FBRS: variants seen among roughly 807,000 people sequenced by gnomAD.
The protein encoded by FBRS is probable fibrosin-1.
In FBRS, 15 loss-of-function variants were observed where a neutral mutation model predicts 86.1. The observed-to-expected ratio is 0.17, with a 90% CI of 0.12 to 0.27. The LOEUF (loss-of-function observed/expected upper bound fraction) is 0.27, where lower values mean the gene tolerates loss of function less well. Ranked by LOEUF, FBRS falls within the 10% of genes least tolerant of loss-of-function variation. The pLI is 1.00. For missense variants in FBRS, 1,367 were observed against 1,301.6 expected, an observed-to-expected ratio of 1.05 and a Z score of -0.77; for synonymous variants, 666 against 575.8, an observed-to-expected ratio of 1.16 and a Z score of -2.24.
chr16:30,669,708 T>C lies in FBRS; in HGVS notation c.*63T>C. Reference sequence around the variant, plus strand: ...CCTTCCTTTAACCAGGTCCTAGGGCTGAGGTTTTAAGCCAGGGCTGGAGGG... The same window carrying C: ...CCTTCCTTTAACCAGGTCCTAGGGCCGAGGTTTTAAGCCAGGGCTGGAGGG... On this transcript the variant is annotated 3_prime_UTR_variant, in exon 18 of 18. Transcript: ENST00000356166. This position sits in a 1 kb window ranked among gnomAD's most constrained non-coding sequence, Gnocchi z 5.9. 6.7e-7 allele frequency: 1 copy of C among 1,498,480 alleles called. No individual in the cohort carries two copies. The highest frequency in any genetic ancestry group is 2.4e-5 in the Admixed American group (1 of 42,236). 92.8% of individuals were successfully genotyped at this position (1,498,480 alleles called of 1,614,324 possible). A position where few individuals can be genotyped will look rare whatever the true frequency, so the allele number is the denominator to read the frequency against.
chr16:30,660,771 C>T (rs2052450060), intron 2 of FBRS, among the ~76,000 whole-genome samples: 1 of 152,184 alleles, frequency 6.6e-6, no homozygotes, highest in Non-Finnish European at 1.5e-5. Flanking sequence ...AGCCAGCAAG[C>T]AAACACCTAG....
chr16:30,667,388 G>A lies in FBRS; in HGVS notation c.1944G>A (p.Leu648=), dbSNP rs780332655. Residue 648 remains leucine, a synonymous_variant, in exon 14 of 18, where the codon CTG becomes CTA. Transcript: ENST00000356166. The stretch of plus-strand genomic sequence containing the variant: ...GCCTTCCGGGGCCCTATGGGGCCCT[G>A]CCCCCTGGGCAGGAGCTCTCCCACC... ...LPCLPGPYGA[L]PPGQELSHPA... is the part of the protein sequence containing the mutation. 2.6e-6 allele frequency: 4 copies of A among 1,552,182 alleles called. No individual in the cohort carries two copies. In the South Asian group the frequency reaches 3.6e-5, roughly 14 times the overall value.
chr16:30,668,987 T>TGCCCCCCCCCCCCCCCCCCCCCCCC lies in FBRS; in HGVS notation c.2366+8_2366+9insGCCCCCCCCCCCCCCCCCCCCCCCC. ...CAAGGAGGAGAAGGACAGGTGTGCC[T>TGCCCCCCCCCCCCCCCCCCCCCCCC]CCCACCCACCCTGCCCCTGCCCCAC... On this transcript the variant is annotated intron_variant, in intron 17 of 17. Transcript: ENST00000356166. The TGCCCCCCCCCCCCCCCCCCCCCCCC allele has an allele frequency of 1.4e-6, 2 of 1,481,100 alleles. No homozygotes were observed. Among genetic ancestry groups the TGCCCCCCCCCCCCCCCCCCCCCCCC allele is most frequent in the African/African-American group, 1.4e-5 (1 of 69,742 alleles). The allele number at this position is 1,481,100 out of a possible 1,614,324, so 91.7% of individuals were successfully genotyped here.
intron 12 of FBRS, 82 bp downstream of exon 12, chr16:30,666,623 A>G: frequency 6.3e-7 from 1 of 1,599,528 alleles, no homozygotes; most frequent in Non-Finnish European, 8.6e-7. Flanking sequence ...TTGCTTACAA[A>G]TAAGTGAGAA....
chr16:30,661,898 G>A (rs1371158533), intron 4 of FBRS: 1 of 174,298 alleles, frequency 5.7e-6, no homozygotes, highest in Non-Finnish European at 1.2e-5. Context: ...TCAAAAGTTG[G>A]CTGGATAGGA....
chr16:30,668,382 C>A (rs1433728630), intron 15 of FBRS, 178 bp from the exon 16 acceptor site: 2 of 598,520 alleles, frequency 3.3e-6, no homozygotes, highest in Non-Finnish European at 6.0e-6. Flanking sequence ...TGAGGTTAAC[C>A]GACAGGGTGC....
At chr16:30,661,776 T>C (rs567998777) in intron 4 of FBRS, among the ~76,000 whole-genome samples, 2 of 152,112 alleles carry the variant, frequency 1.3e-5, no homozygotes, top group South Asian at 4.2e-4. Context: ...AGTTTATCCT[T>C]AGGGGCGATT....
In FBRS at chr16:30,665,136, A is replaced by G. The variant is rs918403134; in HGVS notation, c.1608+57A>G. 3 of 1,589,564 alleles carry G rather than the reference A, an allele frequency of 1.9e-6. No homozygotes were observed. Among genetic ancestry groups the G allele is most frequent in the South Asian group, 1.1e-5 (1 of 87,896 alleles). ...GTGTGGTGTGGGCGTGGATGCATCC[A>G]TGCTTGTGACCCTGACTGCTGGGGT... On this transcript the variant is annotated intron_variant, in intron 9 of 17. Transcript: ENST00000356166. The surrounding 1 kb of genome is among the most constrained non-coding windows in gnomAD (Gnocchi z 4.1).
In FBRS at chr16:30,668,646, G is replaced by A. The variant is rs2052550398; in HGVS notation, c.2158+3G>A. The A allele has an allele frequency of 5.6e-6, 9 of 1,601,828 alleles. No homozygotes were observed. The highest frequency in any genetic ancestry group is 1.7e-4 in the Middle Eastern group (1 of 5,994). The stretch of plus-strand genomic sequence containing the variant: ...AGGCCTGGGCAGCCCCACATTCAGT[G>A]AGTGCGGGTGCGGTGGGGTGGGGGG... On this transcript the variant is annotated splice_donor_region_variant and intron_variant, in intron 16 of 17. Coordinates refer to ENST00000356166, the MANE Select transcript of FBRS (RefSeq NM_001105079.3).
chr16:30,666,882 C>CTTCCCT (rs761029297), intron 12 of FBRS, 37 bp from the exon 13 acceptor site: 3 of 1,598,176 alleles, frequency 1.9e-6, no homozygotes, highest in South Asian at 2.3e-5. Context: ...ACGTTCTTTC[C>CTTCCCT]TTCCCTTTCC....
chr16:30,665,302 A>G lies in FBRS; in HGVS notation c.1609-4A>G. The stretch of plus-strand genomic sequence containing the variant: ...ACCTGTACTAGTCCCCCTTCTCTCC[A>G]CAGCCGTACACGGCCTTCCCTCCCG... On this transcript the variant is annotated splice_region_variant and splice_polypyrimidine_tract_variant and intron_variant, in intron 9 of 17. Transcript: ENST00000356166. This position sits in a 1 kb window ranked among gnomAD's most constrained non-coding sequence, Gnocchi z 4.1. 1.3e-6 allele frequency: 2 copies of G among 1,559,302 alleles called. No individual in the cohort carries two copies. Among genetic ancestry groups the G allele is most frequent in the Non-Finnish European group, 1.7e-6 (2 of 1,152,266 alleles).
In FBRS at chr16:30,665,682, C is replaced by A. The variant is rs748429458; in HGVS notation, c.1749C>A (p.Ser583Arg). The change falls in exon 11 of 18, where the codon AGC becomes AGA. Residue 583 changes from serine to arginine, a missense_variant. Ser to Arg is a moderately radical substitution (Grantham distance 110). Coordinates refer to ENST00000356166, the MANE Select transcript of FBRS (RefSeq NM_001105079.3). This position sits in a 1 kb window ranked among gnomAD's most constrained non-coding sequence, Gnocchi z 4.1. ...ELPPRLGPVPSGLSQKGTQIP... is the reference protein window; with the variant it reads ...ELPPRLGPVPRGLSQKGTQIP... ...CACCACGACTGGGGCCGGTGCCGAGCGGGCTCTCCCAGAAGGGGACACAGG... is the reference window on the plus strand; with the variant it reads ...CACCACGACTGGGGCCGGTGCCGAGAGGGCTCTCCCAGAAGGGGACACAGG... The A allele has an allele frequency of 1.6e-5, 26 of 1,588,592 alleles. No individual in the cohort carries two copies. Among genetic ancestry groups the A allele is most frequent in the Non-Finnish European group, 2.1e-5 (25 of 1,167,832 alleles).
In FBRS at chr16:30,660,290, C is replaced by A. The variant is rs1458354311; in HGVS notation, c.487C>A (p.Arg163=). The change falls in exon 2 of 18, where the codon CGA becomes AGA. Residue 163 remains arginine, a synonymous_variant. Transcript: ENST00000356166. ...GGATGCATCTCTTCAGCCCCCAGAG[C>A]GACTGGAACATCGGCTGAAGCATTC... The part of the protein sequence containing the change: ...QKDASLQPPE[R]LEHRLKHSGK... 3 of 1,302,910 alleles carry A rather than the reference C, an allele frequency of 2.3e-6. No homozygotes were observed. 80.7% of individuals were successfully genotyped at this position (1,302,910 alleles called of 1,614,324 possible).
chr16:30,668,665 T>TGGGGGGGGGGGGGGGGGGGGGGGGG, intron 16 of FBRS, 22 bp downstream of exon 16: 1 of 1,456,692 alleles, frequency 6.9e-7, no homozygotes, highest in Admixed American at 1.7e-5. Context: ...TGCGGTGGGG[T>TGGGGGGGGGGGGGGGGGGGGGGGGG]GGGGGGGCTG....
chr16:30,660,254 C>T lies in FBRS; in HGVS notation c.460-9C>T, dbSNP rs544376591. The T allele has an allele frequency of 2.0e-5, 27 of 1,326,200 alleles. No individual in the cohort carries two copies. The highest frequency in any genetic ancestry group is 1.5e-4 in the South Asian group (7 of 46,424). 82.2% of individuals were successfully genotyped at this position (1,326,200 alleles called of 1,614,324 possible). A position where few individuals can be genotyped will look rare whatever the true frequency, so the allele number is the denominator to read the frequency against. ...TCCATCTATCTCAGCCCCACCTCCT[C>T]CTCCACAGAAGGATGCATCTCTTCA... On this transcript the variant is annotated splice_polypyrimidine_tract_variant and intron_variant, in intron 1 of 17. Transcript: ENST00000356166.
chr16:30,663,493 G>A (rs577847897), intron 6 of FBRS, among the ~76,000 whole-genome samples: 3 of 151,560 alleles, frequency 2.0e-5, no homozygotes, highest in Admixed American at 6.6e-5. Context: ...TTTCACACGC[G>A]ATTGCTTAGG....
intron 13 of FBRS, 132 bp from the exon 14 acceptor site, chr16:30,667,188 A>T: frequency 1.1e-6 from 1 of 925,828 alleles, no homozygotes; most frequent in African/African-American, 1.7e-5. Context: ...AGGCTCCGAG[A>T]GAGGCAGAAG....
At chr16:30,660,174 C>G in intron 1 of FBRS, 89 bp from the exon 2 acceptor site, 3 of 1,408,632 alleles carry the variant, frequency 2.1e-6, no homozygotes, top group Non-Finnish European at 2.8e-6. Flanking sequence ...TTTCCCGGCC[C>G]GAGGGGTACT....
In FBRS at chr16:30,669,566, G is replaced by T; in HGVS notation, c.2864G>T (p.Gly955Val). 1 of 1,612,634 alleles carries T rather than the reference G, an allele frequency of 6.2e-7. No homozygotes were observed. ...AAGACCCCACCGGGAGCCCTTTTGG[G>T]GGCACCACCTCCGCTTGTGCCCGCC... ...LSKTPPGALL[G>V]APPPLVPAPR... is the part of the protein sequence containing the mutation. The change falls in exon 18 of 18, where the codon GGG becomes GTG. Residue 955 changes from glycine (G) to valine (V), a missense_variant. Around this residue, in one of 3 missense-constraint regions of FBRS, gnomAD observed 659 missense variants for 678.8 expected, o/e 0.97. Coordinates refer to ENST00000356166, the MANE Select transcript of FBRS (RefSeq NM_001105079.3). The surrounding 1 kb of genome is among the most constrained non-coding windows in gnomAD (Gnocchi z 5.9).
Sources: allele counts gnomAD v4.1 joint callset (sites outside exome capture counted in the v4.1 genomes callset), GRCh38; gene constraint gnomAD v4.1.1; regional missense constraint gnomAD v4.1.1; non-coding constraint Gnocchi (gnomAD v3.1); transcripts MANE v1.5; gene names NCBI Gene and HGNC (gene_info 2026-07-23, HGNC 2026-07-21).